The following NRXN3 variants were observed in gnomAD, a reference collection of about 807,000 sequenced individuals.
NRXN3 encodes the protein neurexin 3, also known as neurexin III.
A neutral mutation model predicts 137.6 loss-of-function variants in NRXN3; 32 were observed. The observed-to-expected ratio is 0.23, with a 90% confidence interval of 0.18 to 0.31. The LOEUF (loss-of-function observed/expected upper bound fraction) is 0.31, where lower values mean the gene tolerates loss of function less well. Among genes scored for constraint, NRXN3 ranks in the 10% least tolerant of loss-of-function variants. NRXN3 has a pLI of 1.00. For synonymous variants in NRXN3, 798 were observed against 784.5 expected, an observed-to-expected ratio of 1.02 and a Z score of -0.29; for missense variants, 1,574 against 2,062.5, an observed-to-expected ratio of 0.76 and a Z score of 4.59.
intron 10 of NRXN3, among the ~76,000 whole-genome samples, chr14:78,868,453 A>G (rs978915393): frequency 5.3e-5 from 8 of 152,284 alleles, no homozygotes; most frequent in East Asian, 3.9e-4. Context: ...AAAAATTGTG[A>G]AAGTACAGCC....
chr14:78,984,336 T>A (rs952811115), intron 14 of NRXN3, among the ~76,000 whole-genome samples: 2 of 152,164 alleles, frequency 1.3e-5, no homozygotes, highest in East Asian at 3.8e-4. Flanking sequence ...CCCATAAATA[T>A]AAACAACTAT....
rs190762536 is a variant in NRXN3 at position 79,670,954 on chromosome 14, C to T, written c.3616+7005C>T. Reference sequence around the variant, plus strand: ...ATGGAGAATTCCACAATAGTAGAAACGGTTCCAAAGTGAGGGACATGTGCA... The same window carrying T: ...ATGGAGAATTCCACAATAGTAGAAATGGTTCCAAAGTGAGGGACATGTGCA... On this transcript the variant is annotated intron_variant, in intron 17 of 20. Coordinates refer to ENST00000335750, the MANE Select transcript of NRXN3 (RefSeq NM_001330195.2). Among the ~76,000 whole-genome samples the T allele has an allele frequency of 2.2e-3, 333 of 152,190 alleles. 2 individuals are homozygous for T. Among genetic ancestry groups the T allele is most frequent in the African/African-American group, 7.6e-3 (316 of 41,564 alleles).
chr14:78,554,262 C>A (rs893760476), intron 4 of NRXN3, among the ~76,000 whole-genome samples: 2 of 152,150 alleles, frequency 1.3e-5, no homozygotes, highest in African/African-American at 4.8e-5. Context: ...TGAACCTATT[C>A]AGCTTGGCGG....
At chr14:79,087,495 G>A (rs1270225913) in intron 15 of NRXN3, among the ~76,000 whole-genome samples, 1 of 152,144 alleles carries the variant, frequency 6.6e-6, no homozygotes, top group African/African-American at 2.4e-5. Flanking sequence ...TGACTTAAAT[G>A]AACAGAGCTC....
At chr14:79,257,568 G>A (rs1402378537) in intron 15 of NRXN3, among the ~76,000 whole-genome samples, 6 of 124,566 alleles carry the variant, frequency 4.8e-5, no homozygotes, top group Admixed American at 1.6e-4. Context: ...GATGGTGGTG[G>A]TGGTGGTGGT....
At chr14:79,148,449 A>T (rs1050859907) in intron 15 of NRXN3, among the ~76,000 whole-genome samples, 2 of 152,108 alleles carry the variant, frequency 1.3e-5, no homozygotes, top group African/African-American at 2.4e-5. Context: ...GGGAGTAGGG[A>T]TGTGTTTGCA....
chr14:78,427,680 G>A (rs1196061318), intron 4 of NRXN3, among the ~76,000 whole-genome samples: 4 of 152,210 alleles, frequency 2.6e-5, no homozygotes, highest in African/African-American at 7.2e-5. Flanking sequence ...CATGGAGGCT[G>A]CATATCACTT....
chr14:79,279,300 G>A, intron 15 of NRXN3: 6 of 960,008 alleles, frequency 6.2e-6, no homozygotes, highest in Non-Finnish European at 7.4e-6. Context: ...GCAGAGCGCT[G>A]GGGCTGCACT....
intron 8 of NRXN3, among the ~76,000 whole-genome samples, chr14:78,740,034 C>A (rs1287434367): frequency 6.6e-6 from 1 of 152,166 alleles, no homozygotes; most frequent in South Asian, 2.1e-4. Context: ...GCCCTGGCAT[C>A]TCTTAAGTTG....
chr14:78,540,964 G>T (rs1394501673), intron 4 of NRXN3, among the ~76,000 whole-genome samples: 2 of 152,200 alleles, frequency 1.3e-5, no homozygotes, highest in African/African-American at 2.4e-5. Flanking sequence ...CTTCTGGCTT[G>T]TAATGTTTCT....
Position 79,534,330 on chromosome 14 carries a change from G to A in NRXN3, c.3444+66928G>A, listed in dbSNP as rs149039987. Reference sequence around the variant, plus strand: ...ATAAAGAGCTATCTCTTGTTCCTTCGTTGTAAGGGGACTGAGGGCACAAGA... The same window carrying A: ...ATAAAGAGCTATCTCTTGTTCCTTCATTGTAAGGGGACTGAGGGCACAAGA... On this transcript the variant is annotated intron_variant, in intron 16 of 20. Transcript: ENST00000335750. Among the ~76,000 whole-genome samples the A allele has an allele frequency of 3.1e-3, 470 of 152,222 alleles. 2 individuals are homozygous for A. Among genetic ancestry groups the A allele is most frequent in the African/African-American group, 0.01 (424 of 41,524 alleles).
chr14:79,235,678 G>T (rs2073234185), intron 15 of NRXN3, among the ~76,000 whole-genome samples: 2 of 151,998 alleles, frequency 1.3e-5, no homozygotes, highest in Non-Finnish European at 2.9e-5. Context: ...ATTATAGAAA[G>T]GAAAAGCATA....
chr14:78,249,158 A>G (rs542937338), intron 2 of NRXN3, among the ~76,000 whole-genome samples: 9 of 152,130 alleles, frequency 5.9e-5, no homozygotes, highest in Non-Finnish European at 1.0e-4. Context: ...CCCTTCTTCC[A>G]TGTTCCCCCT....
intron 16 of NRXN3, among the ~76,000 whole-genome samples, chr14:79,645,871 A>G (rs1389745226): frequency 7.4e-6 from 1 of 135,516 alleles, no homozygotes; most frequent in Non-Finnish European, 1.7e-5. Context: ...GGCACCAAGG[A>G]ATAGTTTTGC....
intron 15 of NRXN3, among the ~76,000 whole-genome samples, chr14:79,216,865 A>ACCT (rs1349039638): frequency 1.3e-5 from 2 of 152,188 alleles, no homozygotes; most frequent in East Asian, 3.9e-4. Flanking sequence ...GGCCAGGCAC[A>ACCT]GTGGCTCACG....
chr14:78,659,604 C>T (rs960995776), intron 6 of NRXN3, among the ~76,000 whole-genome samples: 5 of 151,292 alleles, frequency 3.3e-5, no homozygotes, highest in Admixed American at 1.3e-4. Flanking sequence ...CACTTGGACC[C>T]GGGAGGTTGA....
At chr14:78,278,564 T>C in intron 2 of NRXN3, 81 bp from the exon 3 acceptor site, 1 of 1,032,758 alleles carries the variant, frequency 9.7e-7, no homozygotes, top group Non-Finnish European at 1.5e-6. Context: ...TGTGTGTGTG[T>C]GTGCTGCTAA....
chr14:78,605,342 T>A (rs1024381822), intron 4 of NRXN3, among the ~76,000 whole-genome samples: 1 of 152,230 alleles, frequency 6.6e-6, no homozygotes, highest in African/African-American at 2.4e-5. Flanking sequence ...CACTGAACTC[T>A]TAACACACAG....
At chr14:79,106,262 G>A (rs1365658059) in intron 15 of NRXN3, among the ~76,000 whole-genome samples, 1 of 152,016 alleles carries the variant, frequency 6.6e-6, no homozygotes, top group African/African-American at 2.4e-5. Flanking sequence ...ACGGTAGGTA[G>A]CAGGATGAAG....
Sources: gnomAD v4.1 joint callset for allele counts (sites outside exome capture counted in the v4.1 genomes callset) on GRCh38, gnomAD v4.1.1 for gene constraint, MANE v1.5 for transcripts, NCBI Gene and HGNC (gene_info 2026-07-23, HGNC 2026-07-21) for gene names.